Variants in RNF38 observed in about 807,000 individuals in gnomAD.
RNF38 encodes ring finger protein 38, also known as E3 ubiquitin-protein ligase RNF38.
In RNF38, 15 loss-of-function variants were observed where a neutral mutation model predicts 67.2. The ratio of observed to expected loss-of-function variants is 0.22; its 90% CI spans 0.15 to 0.34. The LOEUF is 0.34. RNF38 is among the 10% of genes least tolerant of loss of function. The pLI is 1.00. For missense variants in RNF38, 524 were observed against 639.9 expected (o/e 0.82, Z 1.95); for synonymous variants, 220 against 218.8 (o/e 1.01, Z -0.05).
chr9:36,480,039 C>T (rs1018277747), intron 1 of RNF38, among the ~76,000 whole-genome samples: 7 of 151,996 alleles, frequency 4.6e-5, no homozygotes, highest in East Asian at 1.9e-4. Flanking sequence ...AGTGCAGTGG[C>T]GTGATTTCGG....
chr9:36,450,445 C>A (rs919896022), intron 1 of RNF38, among the ~76,000 whole-genome samples: 14 of 152,156 alleles, frequency 9.2e-5, no homozygotes, highest in Non-Finnish European at 1.5e-4. Flanking sequence ...CACCTAGGTA[C>A]ATAACTATAA....
At position 36,460,903 on chromosome 9, in the gene RNF38, A is replaced by G. The variant is rs550933502; in HGVS notation, n.241+26405T>C. Among the ~76,000 whole-genome samples, 609 of 145,344 alleles carry G rather than the reference A, an allele frequency of 4.2e-3. 3 individuals are homozygous for G. Among genetic ancestry groups the G allele is most frequent in the Middle Eastern group, 7.4e-3 (2 of 270 alleles). On this transcript the variant is annotated intron_variant and non_coding_transcript_variant, in intron 1 of 3. Coordinates refer to the RNF38 transcript ENST00000488058. ...ACTCTCTCAAAAAAAAAAAAAAAAA[A>G]AAAGAAAGAAAGAAAGAAAAAAAAG...
At chr9:36,478,296 C>T (rs1407141091) in intron 1 of RNF38, among the ~76,000 whole-genome samples, 8 of 144,938 alleles carry the variant, frequency 5.5e-5, no homozygotes, top group Non-Finnish European at 9.0e-5. Flanking sequence ...CCCAGCTACT[C>T]GGGAGGCTGA....
At chr9:36,459,453 A>G (rs1363440001) in intron 1 of RNF38, among the ~76,000 whole-genome samples, 1 of 152,300 alleles carries the variant, frequency 6.6e-6, no homozygotes, top group Non-Finnish European at 1.5e-5. Context: ...AACATTAGGG[A>G]TAGGGCATTG....
At chr9:36,479,177 T>G (rs1840191052) in intron 1 of RNF38, among the ~76,000 whole-genome samples, 1 of 152,232 alleles carries the variant, frequency 6.6e-6, no homozygotes, top group South Asian at 2.1e-4. Flanking sequence ...CAACAAGTAC[T>G]TGGATACCAT....
chr9:36,368,013 G>T (rs1454428031), intron 4 of RNF38, among the ~76,000 whole-genome samples: 1 of 151,956 alleles, frequency 6.6e-6, no homozygotes. Context: ...CATCACGTGC[G>T]GCCAATTTTT....
intron 2 of RNF38, among the ~76,000 whole-genome samples, chr9:36,421,161 A>G (rs2134232243): frequency 6.6e-6 from 1 of 152,344 alleles, no homozygotes; most frequent in South Asian, 2.1e-4. Flanking sequence ...TTCTTCCCCA[A>G]TCTGAGAAAT....
At chr9:36,428,454 C>CATATAT (rs10588812) in intron 1 of RNF38, among the ~76,000 whole-genome samples, 155 of 146,178 alleles carry the variant, frequency 1.1e-3, no homozygotes, top group Middle Eastern at 3.5e-3. Flanking sequence ...CTATTGTTTA[C>CATATAT]ATATATATAT....
chr9:36,481,740 T>C (rs1159812588), intron 1 of RNF38, among the ~76,000 whole-genome samples: 1 of 152,172 alleles, frequency 6.6e-6, no homozygotes, highest in African/African-American at 2.4e-5. Flanking sequence ...CCTGAAAAAC[T>C]CTGCCATTAT....
At chr9:36,462,192 G>T (rs189537625) in intron 1 of RNF38, among the ~76,000 whole-genome samples, 2 of 152,310 alleles carry the variant, frequency 1.3e-5, no homozygotes, top group East Asian at 3.9e-4. Flanking sequence ...CCTTGGCAGA[G>T]CAGTTTCAGG....
intron 2 of RNF38, among the ~76,000 whole-genome samples, chr9:36,416,427 TGA>T (rs1345483156): frequency 6.6e-6 from 1 of 152,050 alleles, no homozygotes; most frequent in Non-Finnish European, 1.5e-5. Context: ...AGAGCAAGGC[TGA>T]GATTTTGCCC....
At chr9:36,351,241 A>T in intron 8 of RNF38, 42 bp from the exon 9 acceptor site, 1 of 1,343,016 alleles carries the variant, frequency 7.4e-7, no homozygotes, top group Non-Finnish European at 1.1e-6. Context: ...ATGTTAGTAC[A>T]TTAAATCAAT....
chr9:36,484,821 G>A (rs1840365647), intron 1 of RNF38, among the ~76,000 whole-genome samples: 2 of 152,132 alleles, frequency 1.3e-5, no homozygotes, highest in Admixed American at 1.3e-4. Context: ...TAATGAGTGA[G>A]GCTAGTTTAT....
At position 36,434,668 on chromosome 9, in the gene RNF38, C is replaced by T. The variant is rs371070524; in HGVS notation, n.242-9985G>A. Among the ~76,000 whole-genome samples the T allele has an allele frequency of 7.4e-4, 113 of 152,322 alleles. 2 individuals carry two copies. The South Asian group carries it at 0.022, about 29-fold the overall frequency. On this transcript the variant is annotated intron_variant and non_coding_transcript_variant, in intron 1 of 3. Coordinates refer to the RNF38 transcript ENST00000488058. ...CCTCCCAAAGTGCTGGGATTACAGG[C>T]ATGAGCCACCGTGCCCAGCCTACAT... is the stretch of plus-strand genomic sequence containing the variant.
chr9:36,441,445 G>A (rs940625769), intron 1 of RNF38, among the ~76,000 whole-genome samples: 1 of 151,656 alleles, frequency 6.6e-6, no homozygotes, highest in Non-Finnish European at 1.5e-5. Context: ...TCCTGCCTCA[G>A]CCTCCTGAGG....
rs1832632303 is a variant in RNF38 at position 36,338,778 on chromosome 9, C to G, written c.*974G>C. Reference sequence around the variant, plus strand: ...TAAACATTAAAAAAAATCACAGGTACTTTCTGTAAGAAACTTACTGGAAAT... The same window carrying G: ...TAAACATTAAAAAAAATCACAGGTAGTTTCTGTAAGAAACTTACTGGAAAT... On this transcript the variant is annotated 3_prime_UTR_variant, in exon 12 of 12. Transcript: ENST00000259605. 6.6e-6 allele frequency: 1 copy of G among 152,354 alleles called. No individual in the cohort carries two copies. The allele number at this position is 152,354 out of a possible 1,614,324, so 9.4% of individuals were successfully genotyped here. A position where few individuals can be genotyped will look rare whatever the true frequency, so the allele number is the denominator to read the frequency against.
intron 2 of RNF38, among the ~76,000 whole-genome samples, chr9:36,407,382 G>C (rs1337810347): frequency 6.6e-6 from 1 of 152,226 alleles, no homozygotes; most frequent in Non-Finnish European, 1.5e-5. Context: ...TGGAATGACA[G>C]AGGGCAAGCT....
At chr9:36,408,744 A>C (rs947257494) in intron 2 of RNF38, among the ~76,000 whole-genome samples, 1 of 152,188 alleles carries the variant, frequency 6.6e-6, no homozygotes, top group Non-Finnish European at 1.5e-5. Flanking sequence ...TGGAGAGGAA[A>C]GCCAGACAAA....
intron 1 of RNF38, among the ~76,000 whole-genome samples, chr9:36,463,210 G>A (rs1839776889): frequency 6.6e-6 from 1 of 152,170 alleles, no homozygotes; most frequent in South Asian, 2.1e-4. Flanking sequence ...CATAAGAGTA[G>A]AGGTTTTACC....
Sources: gnomAD v4.1 joint callset for allele counts (sites outside exome capture counted in the v4.1 genomes callset) on GRCh38, gnomAD v4.1.1 for gene constraint, MANE v1.5 for transcripts, NCBI Gene and HGNC (gene_info 2026-07-23, HGNC 2026-07-21) for gene names.